DCTN5: variants seen among roughly 807,000 people sequenced by gnomAD.
The protein encoded by DCTN5 is dynactin subunit 5.
In DCTN5, 14 loss-of-function variants were observed where a neutral mutation model predicts 23.5. That is an observed-to-expected ratio of 0.60 (90% CI 0.39 to 0.93). The LOEUF is 0.93. Ranked by LOEUF, DCTN5 falls within the 40% of genes least tolerant of loss-of-function variation. DCTN5 has a pLI of 0.00. For missense variants in DCTN5, 156 were observed against 225.9 expected (o/e 0.69, Z 1.98); for synonymous variants, 67 against 79.6 (o/e 0.84, Z 0.84).
intron 2 of DCTN5, among the ~76,000 whole-genome samples, chr16:23,652,216 C>T (rs530509045): frequency 2.0e-5 from 3 of 152,172 alleles, no homozygotes; most frequent in East Asian, 1.9e-4. Context: ...TTCAGGCTAG[C>T]GATAAATCTA....
Position 23,670,750 on chromosome 16 carries a change from T to G in DCTN5, c.*3606T>G, listed in dbSNP as rs1428669320. ...AAAATGTCTCGCCAACTTCTACAGTTCCCATAAGTACATGATAACTGAAAC... is the reference window on the plus strand; with the variant it reads ...AAAATGTCTCGCCAACTTCTACAGTGCCCATAAGTACATGATAACTGAAAC... On this transcript the variant is annotated 3_prime_UTR_variant, in exon 6 of 6. Transcript: ENST00000300087. 1.3e-5 allele frequency: 2 copies of G among 152,126 alleles called. No homozygotes were observed. The highest frequency in any genetic ancestry group is 2.9e-5 in the Non-Finnish European group (2 of 68,038). 9.4% of individuals were successfully genotyped at this position (152,126 alleles called of 1,614,324 possible).
rs1967944701 is a variant in DCTN5, at chr16:23,668,382, T to G, written c.*1238T>G. 6.6e-6 allele frequency: 1 copy of G among 152,236 alleles called. No homozygotes were observed. Among genetic ancestry groups the G allele is most frequent in the South Asian group, 2.1e-4 (1 of 4,838 alleles). The allele number at this position is 152,236 out of a possible 1,614,324, so 9.4% of individuals were successfully genotyped here. Reference sequence around the variant, plus strand: ...TTCCATCTAGAACTCCTTTCTAGTTTGTTATTTTTAAAATGTTTATACATA... The same window carrying G: ...TTCCATCTAGAACTCCTTTCTAGTTGGTTATTTTTAAAATGTTTATACATA... On this transcript the variant is annotated 3_prime_UTR_variant, in exon 6 of 6. Transcript: ENST00000300087.
At chr16:23,650,291 T>G (rs1212265716) in intron 2 of DCTN5, among the ~76,000 whole-genome samples, 1 of 152,114 alleles carries the variant, frequency 6.6e-6, no homozygotes, top group Non-Finnish European at 1.5e-5. Flanking sequence ...GGTACTCAGC[T>G]TTTATTTCTA....
intron 3 of DCTN5, among the ~76,000 whole-genome samples, chr16:23,660,455 C>T (rs1053712901): frequency 3.3e-5 from 5 of 152,164 alleles, no homozygotes; most frequent in African/African-American, 4.8e-5. Context: ...CCCTAGAGAA[C>T]GGGATGGGAA....
intron 2 of DCTN5, among the ~76,000 whole-genome samples, chr16:23,649,003 G>T (rs1034964695): frequency 6.6e-6 from 1 of 151,806 alleles, no homozygotes; most frequent in Non-Finnish European, 1.5e-5. Context: ...GACTACAGGC[G>T]CACACCACCA....
At chr16:23,644,991 G>A (rs922631865) in intron 2 of DCTN5, among the ~76,000 whole-genome samples, 1 of 145,472 alleles carries the variant, frequency 6.9e-6, no homozygotes, top group African/African-American at 2.5e-5. Flanking sequence ...CGTTGGCCAG[G>A]CTGGTCTCAA....
intron 2 of DCTN5, among the ~76,000 whole-genome samples, chr16:23,646,104 G>T (rs77809922): frequency 0.065 from 9,889 of 151,596 alleles, 673 homozygotes; most frequent in African/African-American, 0.16. Context: ...TTATTTTCTG[G>T]TTTTTTTTGG....
chr16:23,653,822 C>T (rs1429575562), intron 2 of DCTN5, among the ~76,000 whole-genome samples: 1 of 152,088 alleles, frequency 6.6e-6, no homozygotes, highest in East Asian at 1.9e-4. Context: ...GTCTAATATC[C>T]AGCATCTAAA....
At chr16:23,647,767 C>G (rs1762165835) in intron 2 of DCTN5, among the ~76,000 whole-genome samples, 1 of 152,058 alleles carries the variant, frequency 6.6e-6, no homozygotes, top group African/African-American at 2.4e-5. Context: ...CTCAGCCTCC[C>G]AAAGTGCTTG....
chr16:23,649,060 A>G (rs565509960), intron 2 of DCTN5, among the ~76,000 whole-genome samples: 4 of 152,184 alleles, frequency 2.6e-5, no homozygotes, highest in African/African-American at 9.6e-5. Context: ...AGGTTTCACC[A>G]TATTGCTCAG....
intron 2 of DCTN5, among the ~76,000 whole-genome samples, chr16:23,647,955 A>G (rs913547984): frequency 2.6e-5 from 4 of 152,210 alleles, no homozygotes; most frequent in African/African-American, 7.2e-5. Context: ...TCTGTATACA[A>G]TAAGTACTAT....
chr16:23,676,674 A>G lies in DCTN5; in HGVS notation c.*9530A>G, dbSNP rs1410625850. On this transcript the variant is annotated 3_prime_UTR_variant, in exon 6 of 6. Transcript: ENST00000300087. The stretch of plus-strand genomic sequence containing the variant: ...CCAGGACCCCTACCAGGAAGAACTG[A>G]GGTCCATATTTGAGGTTGGTCTCAC... The G allele has an allele frequency of 6.6e-6, 1 of 152,214 alleles. No homozygotes were observed. Among genetic ancestry groups the G allele is most frequent in the African/African-American group, 2.4e-5 (1 of 41,444 alleles). The allele number at this position is 152,214 out of a possible 1,614,324, so 9.4% of individuals were successfully genotyped here.
chr16:23,650,465 C>T (rs534606186), intron 2 of DCTN5, among the ~76,000 whole-genome samples: 1 of 151,742 alleles, frequency 6.6e-6, no homozygotes, highest in African/African-American at 2.4e-5. Context: ...CTCTTCCTCC[C>T]ACCACACCTG....
intron 2 of DCTN5, among the ~76,000 whole-genome samples, chr16:23,655,841 G>A (rs1181302705): frequency 1.3e-5 from 2 of 152,174 alleles, no homozygotes; most frequent in African/African-American, 2.4e-5. Context: ...CACCATTCCC[G>A]GCTGGATGGT....
chr16:23,666,877 T>G (rs1967916560), intron 5 of DCTN5, 170 bp from the exon 6 acceptor site: 2 of 1,045,914 alleles, frequency 1.9e-6, no homozygotes, highest in Non-Finnish European at 2.7e-6. Context: ...GGTCCTGCTG[T>G]GAAAAAGTTT....
intron 3 of DCTN5, 139 bp downstream of exon 3, chr16:23,658,764 ACT>A: frequency 1.4e-6 from 1 of 694,006 alleles, no homozygotes; most frequent in South Asian, 1.8e-5. Context: ...AATGAACACA[ACT>A]CTGCTGGTGG....
At position 23,667,219 on chromosome 16, in the gene DCTN5, A is replaced by G. The variant is rs1010761177; in HGVS notation, c.*75A>G. 8 of 1,582,292 alleles carry G rather than the reference A, an allele frequency of 5.1e-6. No individual in the cohort carries two copies. The Admixed American group carries it at 8.5e-5, about 17-fold the overall frequency. On this transcript the variant is annotated 3_prime_UTR_variant, in exon 6 of 6. Transcript: ENST00000300087. ...GGACAAAGTGAGCCAGTCAGCACCTACAAAGAGCTTTTGTGTCTTTGACAT... is the reference window on the plus strand; with the variant it reads ...GGACAAAGTGAGCCAGTCAGCACCTGCAAAGAGCTTTTGTGTCTTTGACAT...
intron 2 of DCTN5, among the ~76,000 whole-genome samples, chr16:23,656,887 A>G (rs1306359581): frequency 7.3e-5 from 11 of 151,486 alleles, no homozygotes; most frequent in Admixed American, 7.2e-4. Flanking sequence ...GCTACTGGGG[A>G]GGCTGAGGCA....
rs1436984702 is a variant in DCTN5 at position 23,667,434 on chromosome 16, C to G, written c.*290C>G. ...CACAGAATCATCTGTTCCCAACACT[C>G]CAGCCCCTTGGTCCTGTGGATGGCT... On this transcript the variant is annotated 3_prime_UTR_variant, in exon 6 of 6. Transcript: ENST00000300087. 3 of 373,148 alleles carry G rather than the reference C, an allele frequency of 8.0e-6. No homozygotes were observed. The highest frequency in any genetic ancestry group is 5.3e-5 in the East Asian group (1 of 18,936). 23.1% of individuals were successfully genotyped at this position (373,148 alleles called of 1,614,324 possible).
Sources: gnomAD v4.1 joint callset for allele counts (sites outside exome capture counted in the v4.1 genomes callset) on GRCh38, gnomAD v4.1.1 for gene constraint, MANE v1.5 for transcripts, NCBI Gene and HGNC (gene_info 2026-07-23, HGNC 2026-07-21) for gene names.